AP4E1: variants seen among roughly 807,000 people sequenced by gnomAD.
AP4E1 encodes adaptor related protein complex 4 subunit epsilon 1.
Under a neutral mutation model 128.2 loss-of-function variants are expected in AP4E1, and 56 were observed. The observed-to-expected ratio is 0.44, with a 90% CI of 0.35 to 0.55. The LOEUF is 0.55. AP4E1 is among the 20% of genes least tolerant of loss of function. The pLI, the probability that AP4E1 is intolerant of heterozygous loss-of-function variation, is 0.00. For missense variants in AP4E1, 1,324 were observed against 1,307.7 expected, an observed-to-expected ratio of 1.01 and a Z score of -0.19; for synonymous variants, 484 against 473.1, an observed-to-expected ratio of 1.02 and a Z score of -0.30.
At chr15:50,953,721 G>C (rs573226650) in intron 13 of AP4E1, among the ~76,000 whole-genome samples, 30 of 152,278 alleles carry the variant, frequency 2.0e-4, no homozygotes, top group African/African-American at 3.6e-4. Context: ...CTATAAAAAT[G>C]GTTCCTTTAA....
chr15:50,943,608 G>T (rs965379848), intron 10 of AP4E1, among the ~76,000 whole-genome samples: 1 of 152,134 alleles, frequency 6.6e-6, no homozygotes, highest in Non-Finnish European at 1.5e-5. Context: ...GTATAGTTGA[G>T]TACTAAGTTG....
intron 10 of AP4E1, chr15:50,945,978 T>C (rs7162209): frequency 0.65 from 780,528 of 1,204,232 alleles, 255,562 homozygotes; most frequent in Non-Finnish European, 0.68. Context: ...AGAAGAAACA[T>C]GTAGGGGCAG....
At chr15:50,968,683 A>G (rs1214479902) in intron 15 of AP4E1, among the ~76,000 whole-genome samples, 1 of 152,186 alleles carries the variant, frequency 6.6e-6, no homozygotes, top group East Asian at 1.9e-4. Flanking sequence ...GCTGCTGTGC[A>G]GTGGCACGAT....
chr15:50,942,365 T>C (rs904658038), intron 10 of AP4E1, among the ~76,000 whole-genome samples: 1 of 152,170 alleles, frequency 6.6e-6, no homozygotes, highest in Non-Finnish European at 1.5e-5. Flanking sequence ...ATCATACCAA[T>C]AGGAGTCCTG....
chr15:50,989,826 T>A (rs547758168), intron 16 of AP4E1, among the ~76,000 whole-genome samples: 1 of 152,262 alleles, frequency 6.6e-6, no homozygotes, highest in Admixed American at 6.5e-5. Context: ...TGCTAAGGAA[T>A]TATATAATAT....
At position 50,920,075 on chromosome 15, in the gene AP4E1, T is replaced by TC. The variant is rs1316157773; in HGVS notation, c.347-3856_347-3855insC. 3.6e-3 allele frequency among the ~76,000 whole-genome samples: 319 copies of TC among 88,160 alleles called. 9 individuals carry two copies. Among genetic ancestry groups the TC allele is most frequent in the Middle Eastern group, 9.4e-3 (1 of 106 alleles). The allele number at this position is 88,160 out of a possible 152,430, so 57.8% of individuals were successfully genotyped here. A position where few individuals can be genotyped will look rare whatever the true frequency, so the allele number is the denominator to read the frequency against. On this transcript the variant is annotated intron_variant, in intron 3 of 20. Coordinates refer to ENST00000261842, the MANE Select transcript of AP4E1 (RefSeq NM_007347.5). The stretch of plus-strand genomic sequence containing the variant: ...CTAGGCAACACAGCGATAATATGTC[T>TC]AAAAAAAAAAAAAAAAAAAAGATAA...
At chr15:51,001,708 T>G (rs1019366758) in intron 20 of AP4E1, among the ~76,000 whole-genome samples, 2 of 152,240 alleles carry the variant, frequency 1.3e-5, no homozygotes, top group Non-Finnish European at 2.9e-5. Flanking sequence ...TGATACATTT[T>G]GTTTATCCAT....
At position 50,974,733 on chromosome 15, in the gene AP4E1, C is replaced by T. The variant is rs547393810; in HGVS notation, c.1966+6356C>T. Among the ~76,000 whole-genome samples, 12 of 152,178 alleles carry T rather than the reference C, an allele frequency of 7.9e-5. No homozygotes were observed. The East Asian group carries it at 2.3e-3, about 29-fold the overall frequency. On this transcript the variant is annotated intron_variant, in intron 15 of 20. Transcript: ENST00000261842. ...CCATCCTGACTGGTACAAGGTGATG[C>T]CTTATTATGGTTTCAGTTTGTATTT...
intron 15 of AP4E1, among the ~76,000 whole-genome samples, chr15:50,969,510 T>A (rs1483758089): frequency 2.1e-5 from 2 of 96,872 alleles, no homozygotes; most frequent in African/African-American, 3.9e-5. Context: ...TCTTTATTTT[T>A]AAATTTTCTT....
In AP4E1 at chr15:50,941,702, C is replaced by T. The variant is rs771844025; in HGVS notation, c.1103C>T (p.Pro368Leu). 79 of 1,613,546 alleles carry T rather than the reference C, an allele frequency of 4.9e-5. No homozygotes were observed. Among genetic ancestry groups the T allele is most frequent in the Non-Finnish European group, 6.2e-5 (73 of 1,179,772 alleles). ...KALTYVIQQDPTLALQHQMTI... is the reference protein window; with the variant it reads ...KALTYVIQQDLTLALQHQMTI... ...CTTACCTATGTTATCCAACAGGATC[C>T]TACTCTGGCTCTTCAACACCAGATG... The change falls in exon 10 of 21, where the codon CCT becomes CTT. Residue 368 changes from proline (P) to leucine (L), a missense_variant. Coordinates refer to ENST00000261842, the MANE Select transcript of AP4E1 (RefSeq NM_007347.5).
intron 15 of AP4E1, among the ~76,000 whole-genome samples, chr15:50,977,504 A>G (rs2064568228): frequency 6.6e-6 from 1 of 152,124 alleles, no homozygotes; most frequent in African/African-American, 2.4e-5. Flanking sequence ...CAAAACTGAA[A>G]TTTCAGGAGA....
intron 3 of AP4E1, among the ~76,000 whole-genome samples, chr15:50,922,671 G>C (rs768859598): frequency 6.6e-6 from 1 of 152,154 alleles, no homozygotes; most frequent in Non-Finnish European, 1.5e-5. Context: ...ATGTGGAGAG[G>C]CAGTAAAATA....
chr15:50,936,684 C>T lies in AP4E1; in HGVS notation c.943+1987C>T, dbSNP rs540515134. On this transcript the variant is annotated intron_variant, in intron 8 of 20. Coordinates refer to ENST00000261842, the MANE Select transcript of AP4E1 (RefSeq NM_007347.5). ...GGCATGGTGGCTCACGCCTGTGATC[C>T]CAGCACTTTGGGAGGCCGAGGTGGG... 1.3e-3 allele frequency among the ~76,000 whole-genome samples: 203 copies of T among 152,228 alleles called. 1 individual carries two copies. Among genetic ancestry groups the T allele is most frequent in the African/African-American group, 4.6e-3 (193 of 41,536 alleles).
At chr15:50,982,989 G>T (rs1007400665) in intron 15 of AP4E1, among the ~76,000 whole-genome samples, 1 of 152,106 alleles carries the variant, frequency 6.6e-6, no homozygotes. Context: ...GATTTAAAAA[G>T]GTCCTTTTCT....
chr15:50,925,845 G>A (rs1473395789), intron 5 of AP4E1, among the ~76,000 whole-genome samples: 3 of 149,328 alleles, frequency 2.0e-5, no homozygotes, highest in Non-Finnish European at 3.0e-5. Flanking sequence ...GGCTGGTCTC[G>A]AACTCCTGAC....
chr15:50,998,231 C>A (rs532769038), intron 18 of AP4E1, among the ~76,000 whole-genome samples: 1 of 152,068 alleles, frequency 6.6e-6, no homozygotes, highest in Non-Finnish European at 1.5e-5. Flanking sequence ...GTATATTTAT[C>A]TTCCACAAAA....
At chr15:50,976,875 G>T (rs1401846508) in intron 15 of AP4E1, among the ~76,000 whole-genome samples, 1 of 152,032 alleles carries the variant, frequency 6.6e-6, no homozygotes, top group Non-Finnish European at 1.5e-5. Context: ...ATCAAACAAG[G>T]CACAAATAAA....
rs2064124002 is a variant in AP4E1 at position 50,949,958 on chromosome 15, C to T, written c.1429+20C>T. On this transcript the variant is annotated intron_variant, in intron 12 of 20. Transcript: ENST00000261842. ...CGGAAGGTTGGTACACTATTATATT[C>T]TGTAAAGTAAACATTTTAAAGTTTA... 6.3e-7 allele frequency: 1 copy of T among 1,598,590 alleles called. No homozygotes were observed. Among genetic ancestry groups the T allele is most frequent in the Non-Finnish European group, 8.6e-7 (1 of 1,166,162 alleles).
chr15:50,928,473 A>G (rs1268738415), intron 5 of AP4E1, among the ~76,000 whole-genome samples: 1 of 152,098 alleles, frequency 6.6e-6, no homozygotes, highest in African/African-American at 2.4e-5. Flanking sequence ...TTTTTAGTAG[A>G]GACAGGGTTT....
Sources: gnomAD v4.1 joint callset for allele counts (sites outside exome capture counted in the v4.1 genomes callset) on GRCh38, gnomAD v4.1.1 for gene constraint, MANE v1.5 for transcripts, NCBI Gene and HGNC (gene_info 2026-07-23, HGNC 2026-07-21) for gene names.